OSBPL8: variants seen among roughly 807,000 people sequenced by gnomAD.
OSBPL8 encodes the protein oxysterol binding protein like 8.
In OSBPL8, 59 loss-of-function variants were observed where a neutral mutation model predicts 125.5. That is an observed-to-expected ratio of 0.47 (90% confidence interval 0.38 to 0.58). The LOEUF (loss-of-function observed/expected upper bound fraction) is 0.58. Ranked by LOEUF, OSBPL8 falls within the 20% of genes least tolerant of loss-of-function variation. The probability of loss-of-function intolerance (pLI) is 0.00; values close to 1 mark genes in which losing one functional copy is unlikely to be tolerated. For missense variants in OSBPL8, 758 were observed against 1,047.8 expected (o/e 0.72, Z 3.82); for synonymous variants, 330 against 338.9 (o/e 0.97, Z 0.29).
chr12:76,427,861 A>G (rs1454778376), intron 4 of OSBPL8, among the ~76,000 whole-genome samples: 1 of 152,098 alleles, frequency 6.6e-6, no homozygotes, highest in Non-Finnish European at 1.5e-5. Flanking sequence ...CACATTGTTA[A>G]GTTGAAAAAT....
intron 11 of OSBPL8, 47 bp downstream of exon 11, chr12:76,390,373 C>A: frequency 7.5e-7 from 1 of 1,325,684 alleles, no homozygotes; most frequent in South Asian, 1.3e-5. Context: ...TTTAAGAATT[C>A]CCAAGAATAT....
At chr12:76,556,658 CTT>C (rs1423016267) in intron 1 of OSBPL8, among the ~76,000 whole-genome samples, 1 of 152,000 alleles carries the variant, frequency 6.6e-6, no homozygotes, top group African/African-American at 2.4e-5. Flanking sequence ...TTCTCAGAGG[CTT>C]TTTGTTTTTT....
intron 15 of OSBPL8, among the ~76,000 whole-genome samples, chr12:76,382,083 G>A (rs760069156): frequency 1.9e-4 from 29 of 152,042 alleles, no homozygotes; most frequent in Non-Finnish European, 3.2e-4. Context: ...TTTAAGGTAT[G>A]TTGGTCCTTG....
intron 1 of OSBPL8, among the ~76,000 whole-genome samples, chr12:76,502,234 G>A (rs181685421): frequency 6.6e-6 from 1 of 152,142 alleles, no homozygotes; most frequent in East Asian, 1.9e-4. Flanking sequence ...TGAGAGGGAG[G>A]AATGGAAGTG....
rs140699742 is a variant in OSBPL8, at chr12:76,383,998, T to C, written c.1630+256A>G. Among the ~76,000 whole-genome samples the C allele has an allele frequency of 5.1e-3, 770 of 152,330 alleles. 7 individuals are homozygous for C. The highest frequency in any genetic ancestry group is 0.018 in the African/African-American group (743 of 41,586). On this transcript the variant is annotated intron_variant, in intron 15 of 23. Coordinates refer to ENST00000261183, the MANE Select transcript of OSBPL8 (RefSeq NM_020841.5). ...GACTAAAGGCAAAAGAAACACTTTA[T>C]GCACTAAAGGGCTATAATGGGCAAT...
intron 1 of OSBPL8, among the ~76,000 whole-genome samples, chr12:76,488,702 AC>A (rs1433765899): frequency 6.6e-6 from 1 of 152,162 alleles, no homozygotes; most frequent in Non-Finnish European, 1.5e-5. Context: ...TGACTGTTCC[AC>A]CCATCTGCCA....
intron 5 of OSBPL8, among the ~76,000 whole-genome samples, chr12:76,402,991 A>G (rs186155323): frequency 1.4e-4 from 22 of 152,344 alleles, no homozygotes; most frequent in Middle Eastern, 3.4e-3. Context: ...TACAATGTGA[A>G]GTTAAATAAG....
chr12:76,371,691 A>G, intron 18 of OSBPL8, 107 bp from the exon 19 acceptor site: 1 of 1,051,272 alleles, frequency 9.5e-7, no homozygotes, highest in Non-Finnish European at 1.2e-6. Flanking sequence ...TCCTCCAGTT[A>G]AAAGCATTTT....
intron 1 of OSBPL8, among the ~76,000 whole-genome samples, chr12:76,509,971 CA>C (rs988033018): frequency 2.6e-5 from 4 of 152,274 alleles, no homozygotes; most frequent in Admixed American, 1.3e-4. Flanking sequence ...TAGATATTCC[CA>C]AAAACACTGC....
chr12:76,518,848 C>A (rs1314900603), intron 1 of OSBPL8, among the ~76,000 whole-genome samples: 2 of 152,226 alleles, frequency 1.3e-5, no homozygotes, highest in South Asian at 2.1e-4. Flanking sequence ...GACAGTGGCA[C>A]CCTGGGACAG....
Position 76,378,656 on chromosome 12 carries a change from T to C in OSBPL8, c.1631-106A>G, listed in dbSNP as rs139599105. 1,294 of 737,104 alleles carry C rather than the reference T, an allele frequency of 1.8e-3. 15 individuals carry two copies. The African/African-American group carries it at 0.021, about 12-fold the overall frequency. 45.7% of individuals were successfully genotyped at this position (737,104 alleles called of 1,614,324 possible). On this transcript the variant is annotated intron_variant, in intron 15 of 23. Transcript: ENST00000261183. Reference sequence around the variant, plus strand: ...ACCAGACATCTACAGTAGAAAGTCTTAAAAATGTCTCAATCTCAATGTGCC... The same window carrying C: ...ACCAGACATCTACAGTAGAAAGTCTCAAAAATGTCTCAATCTCAATGTGCC...
intron 1 of OSBPL8, among the ~76,000 whole-genome samples, chr12:76,490,422 G>A (rs1430163544): frequency 1.3e-5 from 2 of 152,226 alleles, no homozygotes; most frequent in African/African-American, 4.8e-5. Flanking sequence ...CCGAAGAGAG[G>A]AGAAGCTGCT....
At chr12:76,458,036 G>C (rs917663736) in intron 3 of OSBPL8, among the ~76,000 whole-genome samples, 3 of 152,160 alleles carry the variant, frequency 2.0e-5, no homozygotes, top group African/African-American at 7.2e-5. Context: ...GGAAGCCAAG[G>C]CAGGAGGATC....
intron 1 of OSBPL8, among the ~76,000 whole-genome samples, chr12:76,519,253 T>G (rs1471830711): frequency 6.6e-6 from 1 of 152,198 alleles, no homozygotes; most frequent in African/African-American, 2.4e-5. Flanking sequence ...ACCCTAGGAT[T>G]TGGACACAAT....
At chr12:76,546,517 A>C (rs557374919) in intron 1 of OSBPL8, among the ~76,000 whole-genome samples, 69 of 152,276 alleles carry the variant, frequency 4.5e-4, no homozygotes, top group African/African-American at 1.5e-3. Context: ...CAGCATTATT[A>C]AGGTATTGCT....
At chr12:76,523,168 T>C (rs373104698) in intron 1 of OSBPL8, among the ~76,000 whole-genome samples, 137 of 152,292 alleles carry the variant, frequency 9.0e-4, no homozygotes, top group African/African-American at 3.1e-3. Flanking sequence ...CAGTAAGAAA[T>C]TGTTATTTCT....
chr12:76,400,949 T>C (rs1387592852), intron 6 of OSBPL8, among the ~76,000 whole-genome samples: 1 of 151,888 alleles, frequency 6.6e-6, no homozygotes, highest in Non-Finnish European at 1.5e-5. Flanking sequence ...CCACCATGCC[T>C]GGCTAAGTTT....
chr12:76,537,648 C>T (rs1950535932), intron 1 of OSBPL8, among the ~76,000 whole-genome samples: 1 of 152,140 alleles, frequency 6.6e-6, no homozygotes, highest in Admixed American at 6.6e-5. Context: ...GTGGCTCACA[C>T]CTGTAATCCC....
At chr12:76,443,257 T>C (rs1872394135) in intron 4 of OSBPL8, among the ~76,000 whole-genome samples, 2 of 152,200 alleles carry the variant, frequency 1.3e-5, no homozygotes, top group Admixed American at 6.5e-5. Context: ...AATTGAAAGA[T>C]GGTTTTTTAA....
Sources: allele counts gnomAD v4.1 joint callset (sites outside exome capture counted in the v4.1 genomes callset), GRCh38; gene constraint gnomAD v4.1.1; transcripts MANE v1.5; gene names NCBI Gene and HGNC (gene_info 2026-07-23, HGNC 2026-07-21).